The following DDAH2 variants were observed in gnomAD, a reference collection of about 807,000 sequenced individuals.
DDAH2 encodes the protein putative hydrolase DDAH2.
A neutral mutation model predicts 24.8 loss-of-function variants in DDAH2; 8 were observed. That is an observed-to-expected ratio of 0.32 (90% confidence interval 0.19 to 0.58). The LOEUF (loss-of-function observed/expected upper bound fraction) is 0.58. Ranked by LOEUF, DDAH2 falls within the 20% of genes least tolerant of loss-of-function variation. The probability of loss-of-function intolerance (pLI) is 0.87; values close to 1 mark genes in which losing one functional copy is unlikely to be tolerated. For synonymous variants in DDAH2, 151 were observed against 166.1 expected (o/e 0.91, Z 0.70); for missense variants, 281 against 379.0 (o/e 0.74, Z 2.15).
chr6:31,728,432 G>A lies in DDAH2; in HGVS notation c.471+19C>T, dbSNP rs1807561875. ...CCCACCTGCACCCCCTCCCTCCCTAGGCTGGTCCCGCTCCGCACCCGGAAC... is the reference window on the plus strand; with the variant it reads ...CCCACCTGCACCCCCTCCCTCCCTAAGCTGGTCCCGCTCCGCACCCGGAAC... On this transcript the variant is annotated intron_variant, in intron 3 of 5. Coordinates refer to ENST00000375789, the MANE Select transcript of DDAH2 (RefSeq NM_001303007.2). This position sits in a 1 kb window ranked among gnomAD's most constrained non-coding sequence, Gnocchi z 9.8. The A allele has an allele frequency of 1.2e-6, 2 of 1,612,120 alleles. No homozygotes were observed. The highest frequency in any genetic ancestry group is 8.5e-7 in the Non-Finnish European group (1 of 1,179,768).
At position 31,728,992 on chromosome 6, in the gene DDAH2, C is replaced by A. The variant is rs1807632740; in HGVS notation, c.170G>T (p.Gly57Val). ...VLGGKLRQRL[G>V]LQLLELPPEE... is the part of the protein sequence containing the mutation. ...AGGTGGCAGTTCTAGCAGCTGTAGC[C>A]CCAGTCGTTGCCTCAGTTTACCTCC... Residue 57 changes from glycine to valine, a missense_variant, in exon 1 of 6, where the codon GGG (glycine) becomes GTG (valine). Physicochemically the swap from Gly to Val is moderately radical, Grantham distance 109 (BLOSUM62 -3). Coordinates refer to ENST00000375789, the MANE Select transcript of DDAH2 (RefSeq NM_001303007.2). The surrounding 1 kb of genome is among the most constrained non-coding windows in gnomAD (Gnocchi z 9.8). The A allele has an allele frequency of 6.2e-7, 1 of 1,613,096 alleles. No homozygotes were observed. Among genetic ancestry groups the A allele is most frequent in the Non-Finnish European group, 8.5e-7 (1 of 1,180,028 alleles).
rs993493504 is a variant in DDAH2, at chr6:31,728,468, C to G, written c.454G>C (p.Val152Leu). 6 of 1,612,758 alleles carry G rather than the reference C, an allele frequency of 3.7e-6. No homozygotes were observed. The highest frequency in any genetic ancestry group is 5.1e-6 in the Non-Finnish European group (6 of 1,179,996). Residue 152 changes from valine (V) to leucine (L), a missense_variant, in exon 3 of 6, where the codon GTG (valine) becomes CTG (leucine). Val to Leu is a conservative substitution (Grantham distance 32, BLOSUM62 1). Transcript: ENST00000375789. The surrounding 1 kb of genome is among the most constrained non-coding windows in gnomAD (Gnocchi z 9.8). ...CTCCGCACCCGGAACGTGTCCGCCACGATCTCAGCTCCTCGGTGATTGGTC... is the reference window on the plus strand; with the variant it reads ...CTCCGCACCCGGAACGTGTCCGCCAGGATCTCAGCTCCTCGGTGATTGGTC... ...KWTNHRGAEIVADTFRDFAVS... is the reference protein window; with the variant it reads ...KWTNHRGAEILADTFRDFAVS...
In DDAH2 at chr6:31,728,742, C is replaced by T. The variant is rs2151307502; in HGVS notation, c.301G>A (p.Asp101Asn). 6.2e-7 allele frequency: 1 copy of T among 1,612,974 alleles called. No homozygotes were observed. Among genetic ancestry groups the T allele is most frequent in the Admixed American group, 1.7e-5 (1 of 60,018 alleles). ...TCTTGCAGGGCTTTGCGGACTCCAT[C>T]GACCTTAGGATAGGAGAAGAGGGCA... ...PWSPARRPEV[D>N]GVRKALQDLG... Residue 101 changes from aspartate (D) to asparagine (N), a missense_variant, in exon 2 of 6, where the codon GAT becomes AAT. Coordinates refer to ENST00000375789, the MANE Select transcript of DDAH2 (RefSeq NM_001303007.2). The surrounding 1 kb of genome is among the most constrained non-coding windows in gnomAD (Gnocchi z 9.8).
rs1294445950 is a variant in DDAH2 at position 31,727,083 on chromosome 6, A to G, written c.*154T>C. The stretch of plus-strand genomic sequence containing the variant: ...TTATTGGTTCTGAGAGGGAGGATTC[A>G]CCCAGTGGATCCTTTTCCCTACACT... On this transcript the variant is annotated 3_prime_UTR_variant, in exon 6 of 6. Transcript: ENST00000375789. This position sits in a 1 kb window ranked among gnomAD's most constrained non-coding sequence, Gnocchi z 6.0. 2.9e-6 allele frequency: 2 copies of G among 681,490 alleles called. No homozygotes were observed. Among genetic ancestry groups the G allele is most frequent in the Non-Finnish European group, 5.4e-6 (2 of 372,890 alleles). 42.2% of individuals were successfully genotyped at this position (681,490 alleles called of 1,614,324 possible).
rs773419342 is a variant in DDAH2 at position 31,728,819 on chromosome 6, G to C, written c.297+46C>G. ...TTCTTCCCCAAAGCCCCGACATCCA[G>C]TTCCTTCTGCCTTTCCCCATACCAC... On this transcript the variant is annotated intron_variant, in intron 1 of 5. Coordinates refer to ENST00000375789, the MANE Select transcript of DDAH2 (RefSeq NM_001303007.2). The surrounding 1 kb of genome is among the most constrained non-coding windows in gnomAD (Gnocchi z 9.8). 5.6e-6 allele frequency: 9 copies of C among 1,610,802 alleles called. No homozygotes were observed. Among genetic ancestry groups the C allele is most frequent in the Non-Finnish European group, 7.6e-6 (9 of 1,178,998 alleles).
chr6:31,729,433 C>T, upstream of DDAH2: 1 of 532,024 alleles, frequency 1.9e-6, no homozygotes, highest in Non-Finnish European at 3.3e-6. The surrounding 1 kb of genome is among the most constrained non-coding windows in gnomAD (Gnocchi z 6.7). Flanking sequence ...GCCTGAGGAA[C>T]AAGGCTAGGG....
At position 31,728,990 on chromosome 6, in the gene DDAH2, GC is replaced by G. The variant is rs1365989556; in HGVS notation, c.171del (p.Leu58TyrfsTer4). On this transcript the variant is annotated frameshift_variant, in exon 1 of 6. Transcript: ENST00000375789. LOFTEE classifies it high-confidence loss of function. The surrounding 1 kb of genome is among the most constrained non-coding windows in gnomAD (Gnocchi z 9.8). Reference protein sequence around the residue: ...VLGGKLRQRLGLQLLELPPEE... With the variant: ...VLGGKLRQRLXLQLLELPPEE... ...TCAGGTGGCAGTTCTAGCAGCTGTA[GC>G]CCCAGTCGTTGCCTCAGTTTACCTC... 1.2e-6 allele frequency: 2 copies of G among 1,613,078 alleles called. No homozygotes were observed. Among genetic ancestry groups the G allele is most frequent in the Non-Finnish European group, 1.7e-6 (2 of 1,180,026 alleles).
chr6:31,727,716 A>G lies in DDAH2; in HGVS notation c.592-24T>C. 1 of 1,570,786 alleles carries G rather than the reference A, an allele frequency of 6.4e-7. No individual in the cohort carries two copies. The highest frequency in any genetic ancestry group is 2.2e-5 in the East Asian group (1 of 44,522). ...GCCTAGAGGAAAGAGGAAGTGTTCG[A>G]GTCTCAGAACCTCTCCACAGCTGTG... On this transcript the variant is annotated intron_variant, in intron 4 of 5. Transcript: ENST00000375789. This position sits in a 1 kb window ranked among gnomAD's most constrained non-coding sequence, Gnocchi z 6.0.
Position 31,727,244 on chromosome 6 carries a change from TG to T in DDAH2, c.850del (p.His284ThrfsTer16). The stretch of plus-strand genomic sequence containing the variant: ...TACCCCAAGGCCAGGCCCTCAGCTG[TG>T]GGGGCGTGTGCTGAGCACCAAGCAG... ...SLCLVLSTRP[H>X]S On this transcript the variant is annotated frameshift_variant, in exon 6 of 6. Transcript: ENST00000375789. LOFTEE classifies it high-confidence loss of function. This position sits in a 1 kb window ranked among gnomAD's most constrained non-coding sequence, Gnocchi z 6.0. 1 of 1,612,156 alleles carries T rather than the reference TG, an allele frequency of 6.2e-7. No individual in the cohort carries two copies. Among genetic ancestry groups the T allele is most frequent in the Non-Finnish European group, 8.5e-7 (1 of 1,179,354 alleles).
chr6:31,728,419 C>T lies in DDAH2; in HGVS notation c.471+32G>A. ...GGCCCTTCCGACCCCCACCTGCACC[C>T]CCTCCCTCCCTAGGCTGGTCCCGCT... is the stretch of plus-strand genomic sequence containing the variant. On this transcript the variant is annotated intron_variant, in intron 3 of 5. Transcript: ENST00000375789. The surrounding 1 kb of genome is among the most constrained non-coding windows in gnomAD (Gnocchi z 9.8). The T allele has an allele frequency of 6.2e-7, 1 of 1,611,536 alleles. No homozygotes were observed. Among genetic ancestry groups the T allele is most frequent in the Non-Finnish European group, 8.5e-7 (1 of 1,179,474 alleles).
rs771788581 is a variant in DDAH2, at chr6:31,728,608, T to G, written c.397+38A>C. On this transcript the variant is annotated intron_variant, in intron 2 of 5. Coordinates refer to ENST00000375789, the MANE Select transcript of DDAH2 (RefSeq NM_001303007.2). The surrounding 1 kb of genome is among the most constrained non-coding windows in gnomAD (Gnocchi z 9.8). Reference sequence around the variant, plus strand: ...GACGGCCGAGTCTCCCAAACTCTACTTCCCTGTGCCAAGACCTATGCCTCC... The same window carrying G: ...GACGGCCGAGTCTCCCAAACTCTACGTCCCTGTGCCAAGACCTATGCCTCC... 4.3e-6 allele frequency: 7 copies of G among 1,611,738 alleles called. No homozygotes were observed. Among genetic ancestry groups the G allele is most frequent in the Non-Finnish European group, 5.9e-6 (7 of 1,179,168 alleles).
In DDAH2 at chr6:31,727,804, G is replaced by T; in HGVS notation, c.592-112C>A. 1 of 1,216,476 alleles carries T rather than the reference G, an allele frequency of 8.2e-7. No individual in the cohort carries two copies. Among genetic ancestry groups the T allele is most frequent in the Non-Finnish European group, 1.1e-6 (1 of 869,720 alleles). 75.4% of individuals were successfully genotyped at this position (1,216,476 alleles called of 1,614,324 possible). The stretch of plus-strand genomic sequence containing the variant: ...CTGACATTTGTGGAAAATAATGACA[G>T]CAAGCACATAGAGCTTACGATATGT... On this transcript the variant is annotated intron_variant, in intron 4 of 5. Coordinates refer to ENST00000375789, the MANE Select transcript of DDAH2 (RefSeq NM_001303007.2). This position sits in a 1 kb window ranked among gnomAD's most constrained non-coding sequence, Gnocchi z 6.0.
At position 31,728,784 on chromosome 6, in the gene DDAH2, C is replaced by A. The variant is rs542613838; in HGVS notation, c.298-39G>T. On this transcript the variant is annotated intron_variant, in intron 1 of 5. Coordinates refer to ENST00000375789, the MANE Select transcript of DDAH2 (RefSeq NM_001303007.2). This position sits in a 1 kb window ranked among gnomAD's most constrained non-coding sequence, Gnocchi z 9.8. ...AAGAGGGCACGGAGCTGTGACACCC[C>A]CATCCTCAATTCTTCCCCAAAGCCC... 6.2e-7 allele frequency: 1 copy of A among 1,611,528 alleles called. No individual in the cohort carries two copies. Among genetic ancestry groups the A allele is most frequent in the African/African-American group, 1.3e-5 (1 of 74,872 alleles).
rs1408630459 is a variant in DDAH2, at chr6:31,727,622, A to G, written c.662T>C (p.Leu221Pro). 3.7e-6 allele frequency: 6 copies of G among 1,613,022 alleles called. No homozygotes were observed. The highest frequency in any genetic ancestry group is 5.1e-6 in the Non-Finnish European group (6 of 1,179,996). The change falls in exon 5 of 6, where the codon CTC becomes CCC. Residue 221 changes from leucine to proline, a missense_variant. Coordinates refer to ENST00000375789, the MANE Select transcript of DDAH2 (RefSeq NM_001303007.2). The surrounding 1 kb of genome is among the most constrained non-coding windows in gnomAD (Gnocchi z 6.0). Reference sequence around the variant, plus strand: ...ACCAGGCAACCCAGGACGAAGAAAGAGACAGTCAGCAGCTGCGTCATCTGG... The same window carrying G: ...ACCAGGCAACCCAGGACGAAGAAAGGGACAGTCAGCAGCTGCGTCATCTGG... ...TLPDDAAADC[L>P]FLRPGLPGVP...
rs775981641 is a variant in DDAH2 at position 31,728,635 on chromosome 6, C to T, written c.397+11G>A. 2 of 1,612,828 alleles carry T rather than the reference C, an allele frequency of 1.2e-6. No homozygotes were observed. The highest frequency in any genetic ancestry group is 3.3e-4 in the Middle Eastern group (2 of 6,060). On this transcript the variant is annotated intron_variant, in intron 2 of 5. Transcript: ENST00000375789. The surrounding 1 kb of genome is among the most constrained non-coding windows in gnomAD (Gnocchi z 9.8). ...CCCTGTGCCAAGACCTATGCCTCCCCCCAGCCTCACCGGTGAAGAGAACGT... is the reference window on the plus strand; with the variant it reads ...CCCTGTGCCAAGACCTATGCCTCCCTCCAGCCTCACCGGTGAAGAGAACGT...
At chr6:31,729,474 G>T, upstream of DDAH2, 1 of 381,276 alleles carries the variant, frequency 2.6e-6, no homozygotes. The surrounding 1 kb of genome is among the most constrained non-coding windows in gnomAD (Gnocchi z 6.7). Context: ...TGTTGCCCCT[G>T]CTTGGGGGCT....
Position 31,728,637 on chromosome 6 carries a change from C to T in DDAH2, c.397+9G>A, listed in dbSNP as rs188974620. On this transcript the variant is annotated intron_variant, in intron 2 of 5. Coordinates refer to ENST00000375789, the MANE Select transcript of DDAH2 (RefSeq NM_001303007.2). The surrounding 1 kb of genome is among the most constrained non-coding windows in gnomAD (Gnocchi z 9.8). Reference sequence around the variant, plus strand: ...CTGTGCCAAGACCTATGCCTCCCCCCAGCCTCACCGGTGAAGAGAACGTCA... The same window carrying T: ...CTGTGCCAAGACCTATGCCTCCCCCTAGCCTCACCGGTGAAGAGAACGTCA... 1.2e-6 allele frequency: 2 copies of T among 1,612,824 alleles called. No homozygotes were observed. The highest frequency in any genetic ancestry group is 1.7e-5 in the Admixed American group (1 of 60,010).
rs1807495223 is a variant in DDAH2, at chr6:31,727,794, A to T, written c.592-102T>A. On this transcript the variant is annotated intron_variant, in intron 4 of 5. Transcript: ENST00000375789. The surrounding 1 kb of genome is among the most constrained non-coding windows in gnomAD (Gnocchi z 6.0). ...TGGGGACGGACTGACATTTGTGGAAAATAATGACAGCAAGCACATAGAGCT... is the reference window on the plus strand; with the variant it reads ...TGGGGACGGACTGACATTTGTGGAATATAATGACAGCAAGCACATAGAGCT... 1 of 1,314,106 alleles carries T rather than the reference A, an allele frequency of 7.6e-7. No homozygotes were observed. Among genetic ancestry groups the T allele is most frequent in the Non-Finnish European group, 1.0e-6 (1 of 955,038 alleles). The allele number at this position is 1,314,106 out of a possible 1,614,324, so 81.4% of individuals were successfully genotyped here.
chr6:31,728,688 C>G lies in DDAH2; in HGVS notation c.355G>C (p.Asp119His). 1 of 1,613,088 alleles carries G rather than the reference C, an allele frequency of 6.2e-7. No individual in the cohort carries two copies. Among genetic ancestry groups the G allele is most frequent in the Non-Finnish European group, 8.5e-7 (1 of 1,180,026 alleles). ...DLGLRIVEIGDENATLDGTDV... is the reference protein window; with the variant it reads ...DLGLRIVEIGHENATLDGTDV... ...GTGCCATCCAGCGTCGCGTTCTCGT[C>G]TCCTATTTCCACAATTCGGAGCCCC... is the stretch of plus-strand genomic sequence containing the variant. Residue 119 changes from aspartate to histidine, a missense_variant, in exon 2 of 6, where the codon GAC becomes CAC. Coordinates refer to ENST00000375789, the MANE Select transcript of DDAH2 (RefSeq NM_001303007.2). The surrounding 1 kb of genome is among the most constrained non-coding windows in gnomAD (Gnocchi z 9.8).
Sources: gnomAD v4.1 joint callset for allele counts on GRCh38, gnomAD v4.1.1 for gene constraint, Gnocchi (gnomAD v3.1) non-coding constraint, MANE v1.5 for transcripts, NCBI Gene and HGNC (gene_info 2026-07-23, HGNC 2026-07-21) for gene names.